Variants in CCN4 observed in about 807,000 individuals in gnomAD.
CCN4 encodes cellular communication network factor 4.
Under a neutral mutation model 36.7 loss-of-function variants are expected in CCN4, and 30 were observed. The observed-to-expected ratio is 0.82, with a 90% CI of 0.61 to 1.11. The LOEUF is 1.11. Ranked by LOEUF, CCN4 falls within the 50% of genes least tolerant of loss-of-function variation. The pLI is 0.00. For synonymous variants in CCN4, 191 were observed against 195.4 expected (o/e 0.98, Z 0.19); for missense variants, 505 against 504.9 (o/e 1.00, Z 0.00).
chr8:133,224,229 C>CTTTTTTTTTTTTTTTTTTTTTTT lies in CCN4; in HGVS notation c.611-1154_611-1132dup, dbSNP rs59929763. ...GATTTGAATTTGAAGCCCGTAAGTCCTTTTTTTTTTTTTTTTTTTTTTTTT... is the reference window on the plus strand; with the variant it reads ...GATTTGAATTTGAAGCCCGTAAGTCCTTTTTTTTTTTTTTTTTTTTTTTTTTTTTTTTTTTTTTTTTTTTTTTT... On this transcript the variant is annotated intron_variant, in intron 3 of 4. Coordinates refer to ENST00000250160, the MANE Select transcript of CCN4 (RefSeq NM_003882.4). Among the ~76,000 whole-genome samples, 22 of 88,494 alleles carry CTTTTTTTTTTTTTTTTTTTTTTT rather than the reference C, an allele frequency of 2.5e-4. 11 individuals carry two copies. The highest frequency in any genetic ancestry group is 2.7e-4 in the African/African-American group (6 of 22,448). The allele number at this position is 88,494 out of a possible 152,430, so 58.1% of individuals were successfully genotyped here.
intron 1 of CCN4, among the ~76,000 whole-genome samples, chr8:133,207,109 T>G (rs1853806281): frequency 6.6e-6 from 1 of 152,126 alleles, no homozygotes. Flanking sequence ...AGGGACAGAT[T>G]GGGTAAAGGA....
chr8:133,202,209 G>T (rs1853611563), intron 1 of CCN4, among the ~76,000 whole-genome samples: 1 of 152,192 alleles, frequency 6.6e-6, no homozygotes, highest in Non-Finnish European at 1.5e-5. Flanking sequence ...AAAAGGAGTA[G>T]CTCCCGATGA....
rs1276130879 is a variant in CCN4, at chr8:133,202,516, G to C, written c.70-10348G>C. On this transcript the variant is annotated intron_variant, in intron 1 of 4. Coordinates refer to ENST00000250160, the MANE Select transcript of CCN4 (RefSeq NM_003882.4). ...GCTCGTTATCTGGAAAAAAAACCTG[G>C]CTTCTTGCCCCTTGTACCCTCATCA... 2.0e-5 allele frequency among the ~76,000 whole-genome samples: 3 copies of C among 152,124 alleles called. No homozygotes were observed. The East Asian group carries it at 5.8e-4, about 29-fold the overall frequency.
rs1854702261 is a variant in CCN4 at position 133,225,573 on chromosome 8, C to T, written c.794C>T (p.Thr265Ile). The change falls in exon 4 of 5, where the codon ACA becomes ATA. Residue 265 changes from threonine (T) to isoleucine (I), a missense_variant. Coordinates refer to ENST00000250160, the MANE Select transcript of CCN4 (RefSeq NM_003882.4). Reference protein sequence around the residue: ...NLRPCDVDIHTLIKAGKKCLA... With the variant: ...NLRPCDVDIHILIKAGKKCLA... ...CGGCCATGCGATGTGGACATCCATA[C>T]ACTCATTAAGGTGGGTCCAGAGCAG... 6.2e-7 allele frequency: 1 copy of T among 1,608,358 alleles called. No individual in the cohort carries two copies.
chr8:133,201,555 C>T (rs962158416), intron 1 of CCN4, among the ~76,000 whole-genome samples: 10 of 152,082 alleles, frequency 6.6e-5, no homozygotes, highest in African/African-American at 9.7e-5. Flanking sequence ...AATAAAAAAG[C>T]ATACAGCCAG....
intron 2 of CCN4, among the ~76,000 whole-genome samples, chr8:133,218,328 C>A (rs1854400109): frequency 6.6e-6 from 1 of 152,138 alleles, no homozygotes; most frequent in Non-Finnish European, 1.5e-5. Context: ...TTCTGCACCT[C>A]CTGCACGGAT....
At chr8:133,212,003 A>AGGCCTG (rs897045143) in intron 1 of CCN4, among the ~76,000 whole-genome samples, 25 of 152,318 alleles carry the variant, frequency 1.6e-4, no homozygotes, top group Middle Eastern at 6.8e-3. Context: ...GCCGCTCCTC[A>AGGCCTG]GGCCTGGGCA....
intron 4 of CCN4, 148 bp from the exon 5 acceptor site, chr8:133,227,263 G>C: frequency 2.8e-6 from 2 of 720,918 alleles, no homozygotes; most frequent in Non-Finnish European, 4.5e-6. Flanking sequence ...GTTTGCTGTT[G>C]TCCCTCCTTG....
intron 1 of CCN4, among the ~76,000 whole-genome samples, chr8:133,200,328 A>C (rs1448111800): frequency 2.6e-5 from 4 of 152,164 alleles, no homozygotes; most frequent in Non-Finnish European, 5.9e-5. Flanking sequence ...CCCTCCAGGG[A>C]AGGAGCTCAG....
intron 4 of CCN4, 28 bp downstream of exon 4, chr8:133,225,611 A>G: frequency 6.6e-7 from 1 of 1,519,786 alleles, no homozygotes. Context: ...GTGGATGTCT[A>G]GACTTCACAA....
In CCN4 at chr8:133,216,297, T is replaced by C. The variant is rs533202679; in HGVS notation, c.349+3154T>C. Among the ~76,000 whole-genome samples the C allele has an allele frequency of 3.3e-5, 5 of 152,290 alleles. No individual in the cohort carries two copies. In the South Asian group the frequency reaches 1.0e-3, roughly 32 times the overall value. Reference sequence around the variant, plus strand: ...CTAAATCTGTCCTTAAAGATTTGCATGTAATTAGACCAGAACAAGGCAGGT... The same window carrying C: ...CTAAATCTGTCCTTAAAGATTTGCACGTAATTAGACCAGAACAAGGCAGGT... On this transcript the variant is annotated intron_variant, in intron 2 of 4. Transcript: ENST00000250160.
chr8:133,202,853 G>A (rs1404363696), intron 1 of CCN4, among the ~76,000 whole-genome samples: 1 of 152,260 alleles, frequency 6.6e-6, no homozygotes, highest in East Asian at 1.9e-4. Flanking sequence ...GTTGGGAAAA[G>A]AGGTGTTTGT....
chr8:133,203,465 T>C (rs532939811), intron 1 of CCN4, among the ~76,000 whole-genome samples: 1 of 152,308 alleles, frequency 6.6e-6, no homozygotes, highest in Admixed American at 6.5e-5. Context: ...ATAGACCACC[T>C]TCCAGCTGCG....
At chr8:133,201,331 A>T (rs1192995366) in intron 1 of CCN4, among the ~76,000 whole-genome samples, 1 of 152,220 alleles carries the variant, frequency 6.6e-6, no homozygotes, top group Non-Finnish European at 1.5e-5. Flanking sequence ...ATCTTGATTC[A>T]AAGAAACCAT....
rs1040056382 is a variant in CCN4 at position 133,212,713 on chromosome 8, G to A, written c.70-151G>A. On this transcript the variant is annotated intron_variant, in intron 1 of 4. Coordinates refer to ENST00000250160, the MANE Select transcript of CCN4 (RefSeq NM_003882.4). ...TTCTATTTGTTTTACTGAGAATAAA[G>A]GAGATGTTTGGCTATCAAAAGCGTG... 6 of 659,840 alleles carry A rather than the reference G, an allele frequency of 9.1e-6. No homozygotes were observed. The African/African-American group carries it at 1.1e-4, about 12-fold the overall frequency. 40.9% of individuals were successfully genotyped at this position (659,840 alleles called of 1,614,324 possible). A position where few individuals can be genotyped will look rare whatever the true frequency, so the allele number is the denominator to read the frequency against.
intron 2 of CCN4, among the ~76,000 whole-genome samples, chr8:133,214,639 A>G (rs1217014462): frequency 6.6e-6 from 1 of 151,984 alleles, no homozygotes; most frequent in Non-Finnish European, 1.5e-5. Context: ...TTCTGTCCGG[A>G]CTTGTATTCC....
rs143717613 is a variant in CCN4 at position 133,193,375 on chromosome 8, A to G, written c.69+2162A>G. Among the ~76,000 whole-genome samples, 502 of 152,374 alleles carry G rather than the reference A, an allele frequency of 3.3e-3. 5 individuals are homozygous for G. Among genetic ancestry groups the G allele is most frequent in the African/African-American group, 0.012 (483 of 41,598 alleles). ...TAAAGATTCTGCAGTGGAAGGAGGA[A>G]GATGGCAGCCCAGAAGGAGATCAGC... On this transcript the variant is annotated intron_variant, in intron 1 of 4. Coordinates refer to ENST00000250160, the MANE Select transcript of CCN4 (RefSeq NM_003882.4).
Position 133,191,220 on chromosome 8 carries a change from C to A in CCN4, c.69+7C>A. On this transcript the variant is annotated splice_region_variant and intron_variant, in intron 1 of 4. Coordinates refer to ENST00000250160, the MANE Select transcript of CCN4 (RefSeq NM_003882.4). ...CAGCACCGTCCTGGCCACGGTGAGTCCTGCCTGGAGGGGCTCAGAGGGAGA... is the reference window on the plus strand; with the variant it reads ...CAGCACCGTCCTGGCCACGGTGAGTACTGCCTGGAGGGGCTCAGAGGGAGA... 2 of 1,604,728 alleles carry A rather than the reference C, an allele frequency of 1.2e-6. No individual in the cohort carries two copies. The highest frequency in any genetic ancestry group is 2.2e-5 in the East Asian group (1 of 44,812).
At chr8:133,192,595 CTG>C (rs1853155213) in intron 1 of CCN4, among the ~76,000 whole-genome samples, 1 of 152,234 alleles carries the variant, frequency 6.6e-6, no homozygotes, top group Non-Finnish European at 1.5e-5. Context: ...GGGAAGCTGA[CTG>C]TGTCCTACAG....
Sources: gnomAD v4.1 joint callset for allele counts (sites outside exome capture counted in the v4.1 genomes callset) on GRCh38, gnomAD v4.1.1 for gene constraint, MANE v1.5 for transcripts, NCBI Gene and HGNC (gene_info 2026-07-23, HGNC 2026-07-21) for gene names.